The following CDH13 variants were observed in gnomAD, a reference collection of about 807,000 sequenced individuals.
CDH13 encodes cadherin 13, also known as cadherin-13.
In CDH13, 24 loss-of-function variants were observed where a neutral mutation model predicts 63.8. The observed-to-expected ratio is 0.38, with a 90% CI of 0.27 to 0.53. The LOEUF (loss-of-function observed/expected upper bound fraction) is 0.53. CDH13 is among the 20% of genes least tolerant of loss of function. CDH13 has a pLI of 0.85. For missense variants in CDH13, 1,049 were observed against 903.1 expected, an observed-to-expected ratio of 1.16 and a Z score of -2.07; for synonymous variants, 503 against 355.3, an observed-to-expected ratio of 1.42 and a Z score of -4.67.
At chr16:83,067,688 C>A (rs568300152) in intron 3 of CDH13, among the ~76,000 whole-genome samples, 3 of 152,190 alleles carry the variant, frequency 2.0e-5, no homozygotes, top group Non-Finnish European at 4.4e-5. Context: ...GACTGAATAA[C>A]AAAAGTAGGT....
At chr16:82,697,063 C>T (rs1247373820) in intron 1 of CDH13, among the ~76,000 whole-genome samples, 1 of 152,140 alleles carries the variant, frequency 6.6e-6, no homozygotes, top group African/African-American at 2.4e-5. Context: ...CCAGTTATGT[C>T]CCAATTTTGG....
rs201355615 is a variant in CDH13, at chr16:83,101,436, C to CAA, written c.367-23939_367-23938dup. 6.2e-3 allele frequency among the ~76,000 whole-genome samples: 841 copies of CAA among 135,400 alleles called. 7 individuals carry two copies. Among genetic ancestry groups the CAA allele is most frequent in the African/African-American group, 0.018 (667 of 37,008 alleles). The allele number at this position is 135,400 out of a possible 152,430, so 88.8% of individuals were successfully genotyped here. A position where few individuals can be genotyped will look rare whatever the true frequency, so the allele number is the denominator to read the frequency against. ...TTAGTATGTTAGATTGTGATATTGC[C>CAA]AAAAAAAAAAAGAGTAAAATAAAGC... is the stretch of plus-strand genomic sequence containing the variant. On this transcript the variant is annotated intron_variant, in intron 3 of 13. Transcript: ENST00000567109.
chr16:83,443,404 T>C (rs929166647), intron 6 of CDH13, among the ~76,000 whole-genome samples: 2 of 152,164 alleles, frequency 1.3e-5, no homozygotes, highest in African/African-American at 2.4e-5. Context: ...TCAGTGCGTG[T>C]TGAATGTTAC....
rs563800656 is a variant in CDH13 at position 83,524,597 on chromosome 16, C to T, written c.960+37942C>T. Reference sequence around the variant, plus strand: ...CCTCCCAAGTAGCTGGGACTACAGGCACCTGCCACCACACCCAGCTAATTT... The same window carrying T: ...CCTCCCAAGTAGCTGGGACTACAGGTACCTGCCACCACACCCAGCTAATTT... On this transcript the variant is annotated intron_variant, in intron 7 of 13. Transcript: ENST00000567109. 3.3e-5 allele frequency among the ~76,000 whole-genome samples: 5 copies of T among 151,986 alleles called. No individual in the cohort carries two copies. The East Asian group carries it at 7.8e-4, about 24-fold the overall frequency.
chr16:83,774,237 G>T (rs1285546021), intron 11 of CDH13, among the ~76,000 whole-genome samples: 2 of 152,162 alleles, frequency 1.3e-5, no homozygotes, highest in Non-Finnish European at 2.9e-5. Flanking sequence ...CTATGACTAT[G>T]CTAGCTGGAA....
chr16:83,421,990 T>A (rs1366569947), intron 6 of CDH13, among the ~76,000 whole-genome samples: 2 of 152,256 alleles, frequency 1.3e-5, no homozygotes, highest in Non-Finnish European at 2.9e-5. Flanking sequence ...AACTGTCATA[T>A]GAACAAGTGT....
intron 7 of CDH13, among the ~76,000 whole-genome samples, chr16:83,556,972 G>A (rs184497074): frequency 2.2e-4 from 33 of 152,236 alleles, no homozygotes; most frequent in East Asian, 2.1e-3. Flanking sequence ...AGGGGTCCCC[G>A]ACCCCCAGGC....
chr16:83,078,556 CT>C (rs1380428922), intron 3 of CDH13, among the ~76,000 whole-genome samples: 1 of 152,216 alleles, frequency 6.6e-6, no homozygotes, highest in Non-Finnish European at 1.5e-5. Flanking sequence ...AGAGGCACAT[CT>C]CCTGCTGTCC....
chr16:82,756,254 G>C (rs188822495), intron 1 of CDH13, among the ~76,000 whole-genome samples: 1 of 152,220 alleles, frequency 6.6e-6, no homozygotes, highest in East Asian at 1.9e-4. Flanking sequence ...AAAAAATTTG[G>C]GGAAAGAGGA....
chr16:82,660,875 T>C (rs1408347386), intron 1 of CDH13, among the ~76,000 whole-genome samples: 1 of 152,108 alleles, frequency 6.6e-6, no homozygotes, highest in Non-Finnish European at 1.5e-5. Context: ...AACAAAGATG[T>C]AAAGAGCCTT....
At chr16:82,924,471 C>A (rs1055598768) in intron 2 of CDH13, among the ~76,000 whole-genome samples, 1 of 152,160 alleles carries the variant, frequency 6.6e-6, no homozygotes, top group Non-Finnish European at 1.5e-5. Context: ...TTGCGGTTTT[C>A]GGGCTTTTTC....
intron 3 of CDH13, among the ~76,000 whole-genome samples, chr16:83,086,428 A>G (rs1209689954): frequency 2.0e-5 from 3 of 151,994 alleles, no homozygotes; most frequent in South Asian, 4.2e-4. Context: ...TCTAATTAAG[A>G]CTCATTAGGG....
chr16:83,798,983 T>A lies in CDH13; in HGVS notation c.*3953T>A. The A allele has an allele frequency of 6.6e-6, 1 of 152,080 alleles. No homozygotes were observed. The highest frequency in any genetic ancestry group is 1.9e-4 in the East Asian group (1 of 5,184). 9.4% of individuals were successfully genotyped at this position (152,080 alleles called of 1,614,324 possible). A position where few individuals can be genotyped will look rare whatever the true frequency, so the allele number is the denominator to read the frequency against. On this transcript the variant is annotated 3_prime_UTR_variant, in exon 14 of 14. Coordinates refer to ENST00000567109, the MANE Select transcript of CDH13 (RefSeq NM_001257.5). ...CTTCCATGGCTTGTTAGCAGGTAGA[T>A]GAGGGGCTTCTCCTAGATTAATTTA... is the stretch of plus-strand genomic sequence containing the variant.
At chr16:82,775,815 G>C (rs1411762991) in intron 1 of CDH13, among the ~76,000 whole-genome samples, 2 of 152,122 alleles carry the variant, frequency 1.3e-5, no homozygotes, top group East Asian at 3.9e-4. Context: ...GCAAGGTGAG[G>C]GACATATCCT....
chr16:83,318,060 A>T (rs553777508), intron 5 of CDH13, among the ~76,000 whole-genome samples: 1 of 152,284 alleles, frequency 6.6e-6, no homozygotes, highest in African/African-American at 2.4e-5. Context: ...TCCCTCTGTG[A>T]AGTAGGGGTA....
At chr16:82,916,645 C>T (rs772670185) in intron 2 of CDH13, among the ~76,000 whole-genome samples, 2 of 151,878 alleles carry the variant, frequency 1.3e-5, no homozygotes, top group African/African-American at 4.8e-5. Context: ...GATACATTCT[C>T]ATAAAGCCCA....
At chr16:83,715,796 G>A (rs890005799) in intron 10 of CDH13, among the ~76,000 whole-genome samples, 13 of 152,122 alleles carry the variant, frequency 8.5e-5, no homozygotes, top group African/African-American at 3.1e-4. Flanking sequence ...CTCGGGGATG[G>A]TCAACCTTGA....
chr16:83,693,637 G>A (rs1196409822), intron 10 of CDH13, among the ~76,000 whole-genome samples: 12 of 152,196 alleles, frequency 7.9e-5, no homozygotes, highest in Non-Finnish European at 1.8e-4. Flanking sequence ...AGAGATGACA[G>A]TGCCAGTGAA....
At chr16:82,695,198 G>T in intron 1 of CDH13, among the ~76,000 whole-genome samples, 1 of 152,082 alleles carries the variant, frequency 6.6e-6, no homozygotes, top group East Asian at 1.9e-4. Context: ...TTTGTGCCTG[G>T]GGCAATGAGG....
Sources: allele counts gnomAD v4.1 joint callset (sites outside exome capture counted in the v4.1 genomes callset), GRCh38; gene constraint gnomAD v4.1.1; transcripts MANE v1.5; gene names NCBI Gene and HGNC (gene_info 2026-07-23, HGNC 2026-07-21).